SDK1: variants seen among roughly 807,000 people sequenced by gnomAD.
SDK1 encodes protein sidekick-1.
In SDK1, 157 loss-of-function variants were observed where a neutral mutation model predicts 245.5. The ratio of observed to expected loss-of-function variants is 0.64; its 90% CI spans 0.56 to 0.73. SDK1 has a LOEUF of 0.73. Among genes scored for constraint, SDK1 ranks in the 30% least tolerant of loss-of-function variants. The pLI is 0.00. For missense variants in SDK1, 3,583 were observed against 3,002.3 expected (o/e 1.19, Z -4.52); for synonymous variants, 1,647 against 1,278.5 (o/e 1.29, Z -6.15).
intron 1 of SDK1, among the ~76,000 whole-genome samples, chr7:3,598,965 G>C (rs1442674336): frequency 4.6e-5 from 7 of 152,062 alleles, no homozygotes; most frequent in Admixed American, 4.6e-4. Flanking sequence ...TGGGATAAAT[G>C]CCCAAGAGAA....
At chr7:4,249,320 C>T (rs1315311827) in intron 44 of SDK1, among the ~76,000 whole-genome samples, 1 of 152,212 alleles carries the variant, frequency 6.6e-6, no homozygotes, top group Non-Finnish European at 1.5e-5. Context: ...ACCTTCCCAC[C>T]AGTCCTGCTC....
chr7:3,478,554 T>A (rs1344787060), intron 1 of SDK1, among the ~76,000 whole-genome samples: 2 of 152,074 alleles, frequency 1.3e-5, no homozygotes, highest in African/African-American at 4.8e-5. Flanking sequence ...TATCACAAAT[T>A]TTATGTGTAT....
intron 5 of SDK1, among the ~76,000 whole-genome samples, chr7:3,836,612 C>T (rs1206365832): frequency 1.3e-5 from 2 of 152,212 alleles, no homozygotes. Context: ...GATTCAGAAA[C>T]ATTTCTCTCC....
In SDK1 at chr7:4,116,813, G is replaced by A. The variant is rs112117528; in HGVS notation, c.3823+2539G>A. Among the ~76,000 whole-genome samples, 39 of 152,304 alleles carry A rather than the reference G, an allele frequency of 2.6e-4. No individual in the cohort carries two copies. The East Asian group carries it at 4.8e-3, about 19-fold the overall frequency. On this transcript the variant is annotated intron_variant, in intron 25 of 44. Transcript: ENST00000404826. Reference sequence around the variant, plus strand: ...CCTGGAGCCCACCAATGAGAGCCCCGGAAGAGCAGCCGTGGTGACAACCAG... The same window carrying A: ...CCTGGAGCCCACCAATGAGAGCCCCAGAAGAGCAGCCGTGGTGACAACCAG...
rs557886843 is a variant in SDK1 at position 4,265,580 on chromosome 7, G to A, written c.*196G>A. ...TTTTTAAACGGCTTTTTGTAACTTC[G>A]CTGCAGGAAGCAGGTTTGTTTCTTT... On this transcript the variant is annotated 3_prime_UTR_variant, in exon 45 of 45. Coordinates refer to ENST00000404826, the MANE Select transcript of SDK1 (RefSeq NM_152744.4). The A allele has an allele frequency of 2.2e-6, 3 of 1,343,884 alleles. No homozygotes were observed. The highest frequency in any genetic ancestry group is 3.0e-5 in the East Asian group (1 of 33,154). The allele number at this position is 1,343,884 out of a possible 1,614,324, so 83.2% of individuals were successfully genotyped here.
At chr7:3,571,404 G>C (rs1473646972) in intron 1 of SDK1, among the ~76,000 whole-genome samples, 1 of 151,980 alleles carries the variant, frequency 6.6e-6, no homozygotes, top group Non-Finnish European at 1.5e-5. Context: ...CTGGATTCAA[G>C]TGATCCTCCA....
At chr7:3,465,165 G>C (rs1780955455) in intron 1 of SDK1, among the ~76,000 whole-genome samples, 1 of 152,098 alleles carries the variant, frequency 6.6e-6, no homozygotes, top group Admixed American at 6.6e-5. Context: ...TGTGACAAGT[G>C]GGATTCTCAG....
At chr7:3,363,722 C>G (rs533515188) in intron 1 of SDK1, among the ~76,000 whole-genome samples, 47 of 152,264 alleles carry the variant, frequency 3.1e-4, no homozygotes, top group Middle Eastern at 3.4e-3. Context: ...GTTTGTGCTC[C>G]TATGAGAATC....
In SDK1 at chr7:4,145,848, T is replaced by C. The variant is rs1274604342; in HGVS notation, c.4355T>C (p.Leu1452Pro). The change falls in exon 29 of 45, where the codon CTG becomes CCG. Residue 1452 changes from leucine to proline, a missense_variant. Coordinates refer to ENST00000404826, the MANE Select transcript of SDK1 (RefSeq NM_152744.4). ...LAPESAYIFR[L>P]SAKTRQGWGE... ...CCGGAGTCCGCATACATCTTCAGGC[T>C]GTCCGCCAAGACGAGGCAGGGCTGG... The C allele has an allele frequency of 6.2e-7, 1 of 1,613,752 alleles. No homozygotes were observed. The highest frequency in any genetic ancestry group is 1.1e-5 in the South Asian group (1 of 91,050).
intron 7 of SDK1, among the ~76,000 whole-genome samples, chr7:3,958,606 C>A (rs1254270984): frequency 6.6e-6 from 1 of 152,170 alleles, no homozygotes; most frequent in Non-Finnish European, 1.5e-5. Flanking sequence ...AGCAAACTAG[C>A]CCATAAAATA....
At chr7:3,816,701 C>T (rs76326943) in intron 4 of SDK1, among the ~76,000 whole-genome samples, 3 of 152,142 alleles carry the variant, frequency 2.0e-5, no homozygotes, top group Non-Finnish European at 4.4e-5. Flanking sequence ...TAGTTCTTGT[C>T]GTTGTACAGC....
chr7:3,854,707 AAT>A (rs1306684039), intron 5 of SDK1, among the ~76,000 whole-genome samples: 2 of 152,366 alleles, frequency 1.3e-5, no homozygotes, highest in Non-Finnish European at 1.5e-5. Context: ...ACATTGAAAG[AAT>A]ATTTGAGGGA....
intron 5 of SDK1, among the ~76,000 whole-genome samples, chr7:3,856,481 TAAAAA>T (rs34024559): frequency 2.5e-5 from 3 of 119,236 alleles, no homozygotes; most frequent in African/African-American, 9.6e-5. Flanking sequence ...CAGGTAATGT[TAAAAA>T]AAAAAAAAAA....
At chr7:4,032,625 T>G (rs1741482817) in intron 17 of SDK1, among the ~76,000 whole-genome samples, 2 of 152,110 alleles carry the variant, frequency 1.3e-5, no homozygotes, top group African/African-American at 4.8e-5. Flanking sequence ...TTTAGCAAAC[T>G]AGCAAGCTAT....
rs77093930 is a variant in SDK1 at position 4,184,348 on chromosome 7, C to G, written c.5098+5762C>G. Among the ~76,000 whole-genome samples the G allele has an allele frequency of 1.1e-3, 171 of 152,304 alleles. 1 individual carries two copies. Among genetic ancestry groups the G allele is most frequent in the African/African-American group, 3.7e-3 (153 of 41,558 alleles). On this transcript the variant is annotated intron_variant, in intron 35 of 44. Coordinates refer to ENST00000404826, the MANE Select transcript of SDK1 (RefSeq NM_152744.4). ...TGTGACCACGGGCAAGTCACTTAAC[C>G]CCTCTGAGTCTGGCCTTGAGACCTT...
At chr7:3,914,788 G>A (rs939231639) in intron 5 of SDK1, among the ~76,000 whole-genome samples, 3 of 152,142 alleles carry the variant, frequency 2.0e-5, no homozygotes, top group Non-Finnish European at 2.9e-5. Context: ...TTGAAAAAAC[G>A]TCCATACAAT....
At chr7:3,631,496 C>T (rs535736629) in intron 2 of SDK1, among the ~76,000 whole-genome samples, 143 of 152,294 alleles carry the variant, frequency 9.4e-4, no homozygotes, top group African/African-American at 2.0e-3. Flanking sequence ...TGCTCCTGTC[C>T]TCTATGAATT....
At chr7:3,743,774 G>A (rs1256755750) in intron 4 of SDK1, among the ~76,000 whole-genome samples, 2 of 152,176 alleles carry the variant, frequency 1.3e-5, no homozygotes, top group South Asian at 2.1e-4. Context: ...GAGTTGAACC[G>A]AGTGGCATGA....
chr7:3,847,152 C>G (rs1168541592), intron 5 of SDK1, among the ~76,000 whole-genome samples: 1 of 152,040 alleles, frequency 6.6e-6, no homozygotes, highest in Non-Finnish European at 1.5e-5. Flanking sequence ...ACACCTGAAA[C>G]CTCCAAACCC....
Sources: allele counts gnomAD v4.1 joint callset (sites outside exome capture counted in the v4.1 genomes callset), GRCh38; gene constraint gnomAD v4.1.1; transcripts MANE v1.5; gene names NCBI Gene and HGNC (gene_info 2026-07-23, HGNC 2026-07-21).